USP34: variants seen among roughly 807,000 people sequenced by gnomAD.
The protein encoded by USP34 is ubiquitin carboxyl-terminal hydrolase 34.
In USP34, 70 loss-of-function variants were observed where a neutral mutation model predicts 460.3. The observed-to-expected ratio is 0.15, with a 90% CI of 0.13 to 0.19. USP34 has a LOEUF of 0.19. USP34 is among the 10% of genes least tolerant of loss of function. The probability of loss-of-function intolerance (pLI) is 1.00; values close to 1 mark genes in which losing one functional copy is unlikely to be tolerated. For missense variants in USP34, 3,985 were observed against 4,236.2 expected (o/e 0.94, Z 1.65); for synonymous variants, 1,647 against 1,405.3 (o/e 1.17, Z -3.85).
intron 33 of USP34, among the ~76,000 whole-genome samples, chr2:61,290,210 T>C (rs1451848667): frequency 6.6e-6 from 1 of 152,166 alleles, no homozygotes; most frequent in Non-Finnish European, 1.5e-5. Flanking sequence ...TATCAACTTC[T>C]GGCAAGGATG....
chr2:61,379,242 G>A (rs1001919399), intron 7 of USP34, among the ~76,000 whole-genome samples: 12 of 152,212 alleles, frequency 7.9e-5, no homozygotes, highest in African/African-American at 2.9e-4. Context: ...AATGTGGCCA[G>A]GTGGGGTGGC....
At chr2:61,291,882 T>TA (rs1314081931) in intron 33 of USP34, among the ~76,000 whole-genome samples, 16 of 152,090 alleles carry the variant, frequency 1.1e-4, no homozygotes, top group Non-Finnish European at 2.2e-4. Flanking sequence ...AATATAATTA[T>TA]AAAAAAATGA....
At chr2:61,303,567 T>C (rs1044804858) in intron 27 of USP34, among the ~76,000 whole-genome samples, 1 of 152,180 alleles carries the variant, frequency 6.6e-6, no homozygotes, top group Non-Finnish European at 1.5e-5. Flanking sequence ...AGGAAAAGCT[T>C]TGGCTACTGG....
chr2:61,208,365 A>G (rs974952815), intron 70 of USP34: 2 of 152,248 alleles, frequency 1.3e-5, no homozygotes, highest in Admixed American at 6.5e-5. Context: ...TCCTACATAC[A>G]GATTGATGTC....
At chr2:61,346,083 C>T (rs975003797) in intron 15 of USP34, among the ~76,000 whole-genome samples, 1 of 151,952 alleles carries the variant, frequency 6.6e-6, no homozygotes, top group Non-Finnish European at 1.5e-5. Context: ...GTAAAATTTC[C>T]CTTTCTTAAT....
chr2:61,385,485 C>A (rs1418382767), intron 5 of USP34, among the ~76,000 whole-genome samples: 1 of 151,390 alleles, frequency 6.6e-6, no homozygotes, highest in Admixed American at 6.6e-5. Flanking sequence ...TCCTGGCTAA[C>A]ATGGTGAAAC....
At chr2:61,374,179 CAG>C (rs911488860) in intron 8 of USP34, among the ~76,000 whole-genome samples, 13 of 141,054 alleles carry the variant, frequency 9.2e-5, no homozygotes, top group African/African-American at 2.7e-4. Context: ...AAAAAAAAAA[CAG>C]AGAAAATGAG....
intron 53 of USP34, among the ~76,000 whole-genome samples, chr2:61,238,310 C>G (rs1009414711): frequency 6.6e-6 from 1 of 152,194 alleles, no homozygotes; most frequent in African/African-American, 2.4e-5. Flanking sequence ...CCAATAAGCT[C>G]TGTCCTTCCT....
At chr2:61,196,089 T>C (rs1686798169) in intron 75 of USP34, among the ~76,000 whole-genome samples, 1 of 130,546 alleles carries the variant, frequency 7.7e-6, no homozygotes, top group Admixed American at 7.6e-5. Context: ...TTTTTTTTTT[T>C]TTTTTTTTTG....
At chr2:61,378,230 T>G in intron 8 of USP34, 133 bp downstream of exon 8, 1 of 624,416 alleles carries the variant, frequency 1.6e-6, no homozygotes. Context: ...GAAAGCTTCA[T>G]GAAGAACTGT....
intron 24 of USP34, 21 bp from the exon 25 acceptor site, chr2:61,314,765 C>A: frequency 6.3e-7 from 1 of 1,576,018 alleles, no homozygotes; most frequent in Non-Finnish European, 8.6e-7. Context: ...AATGTTTAGA[C>A]ACATATATTA....
At chr2:61,291,614 ACATACATG>A (rs1353136313) in intron 33 of USP34, among the ~76,000 whole-genome samples, 1 of 152,210 alleles carries the variant, frequency 6.6e-6, no homozygotes. Flanking sequence ...GTACACACAC[ACATACATG>A]CATACATGCT....
intron 5 of USP34, among the ~76,000 whole-genome samples, chr2:61,392,193 G>A (rs891914789): frequency 5.3e-5 from 8 of 152,306 alleles, no homozygotes; most frequent in African/African-American, 1.4e-4. Flanking sequence ...TTAGCCAGGC[G>A]TGGTGACATG....
intron 22 of USP34, among the ~76,000 whole-genome samples, chr2:61,318,536 CAG>C (rs1183712899): frequency 6.6e-6 from 1 of 152,160 alleles, no homozygotes; most frequent in East Asian, 1.9e-4. Flanking sequence ...TCACACTTTG[CAG>C]AGAGACTTCA....
chr2:61,380,121 C>A (rs926984530), intron 7 of USP34, 48 bp downstream of exon 7: 2 of 1,549,630 alleles, frequency 1.3e-6, no homozygotes, highest in African/African-American at 1.4e-5. Context: ...TTATGATAGA[C>A]CAGAAAACAA....
intron 43 of USP34, among the ~76,000 whole-genome samples, chr2:61,260,036 A>C (rs1688832835): frequency 6.6e-6 from 1 of 152,266 alleles, no homozygotes; most frequent in East Asian, 1.9e-4. Context: ...GTTAACACTT[A>C]TTTGGTACAA....
intron 41 of USP34, chr2:61,277,923 T>C: frequency 2.3e-6 from 1 of 440,892 alleles, no homozygotes; most frequent in Middle Eastern, 6.1e-4. Context: ...CATTCTTTTT[T>C]TGCCTGCCGC....
intron 35 of USP34, 151 bp from the exon 36 acceptor site, chr2:61,283,600 A>AGT: frequency 1.7e-6 from 1 of 599,902 alleles, no homozygotes; most frequent in Non-Finnish European, 2.7e-6. Context: ...TGAGAGTGAG[A>AGT]GAGAGTGTGA....
chr2:61,305,204 G>C (rs1285468815), intron 27 of USP34, among the ~76,000 whole-genome samples: 1 of 151,968 alleles, frequency 6.6e-6, no homozygotes, highest in Non-Finnish European at 1.5e-5. Context: ...TGCGCCTGTA[G>C]TCGCAGCTAC....
Sources: allele counts gnomAD v4.1 joint callset (sites outside exome capture counted in the v4.1 genomes callset), GRCh38; gene constraint gnomAD v4.1.1; transcripts MANE v1.5; gene names NCBI Gene and HGNC (gene_info 2026-07-23, HGNC 2026-07-21).